SLIT2: variants seen among roughly 807,000 people sequenced by gnomAD.
The protein encoded by SLIT2 is slit guidance ligand 2, also known as slit homolog 2 protein.
SLIT2 carries 41 observed loss-of-function variants against 185.7 expected under a neutral mutation model. The observed-to-expected ratio is 0.22, with a 90% CI of 0.17 to 0.29. The LOEUF (loss-of-function observed/expected upper bound fraction) is 0.29, where lower values mean the gene tolerates loss of function less well. Among genes scored for constraint, SLIT2 ranks in the 10% least tolerant of loss-of-function variants. The pLI is 1.00. For synonymous variants in SLIT2, 693 were observed against 680.2 expected (o/e 1.02, Z -0.29); for missense variants, 1,571 against 1,909.0 (o/e 0.82, Z 3.30).
intron 4 of SLIT2, among the ~76,000 whole-genome samples, chr4:20,312,406 C>T (rs1280101337): frequency 1.3e-5 from 2 of 152,046 alleles, no homozygotes; most frequent in Non-Finnish European, 2.9e-5. Context: ...GTTCACAAAA[C>T]ATTTTAATGA....
At chr4:20,306,736 T>A (rs887116573) in intron 4 of SLIT2, among the ~76,000 whole-genome samples, 2 of 152,116 alleles carry the variant, frequency 1.3e-5, no homozygotes, top group Non-Finnish European at 2.9e-5. Flanking sequence ...TACTTAGGAT[T>A]TCCTTTCTTG....
intron 26 of SLIT2, among the ~76,000 whole-genome samples, chr4:20,562,218 A>G (rs1273171805): frequency 1.3e-5 from 2 of 151,826 alleles, no homozygotes; most frequent in East Asian, 3.9e-4. Context: ...CTTTTTACTT[A>G]TCTTTATTTG....
chr4:20,434,444 C>G (rs1729214987), intron 4 of SLIT2, among the ~76,000 whole-genome samples: 1 of 152,072 alleles, frequency 6.6e-6, no homozygotes, highest in Non-Finnish European at 1.5e-5. Context: ...CAAGATCGCA[C>G]CACTGCACCT....
intron 11 of SLIT2, among the ~76,000 whole-genome samples, chr4:20,518,123 A>G (rs1008045990): frequency 7.0e-6 from 1 of 143,136 alleles, no homozygotes; most frequent in African/African-American, 2.7e-5. Flanking sequence ...ATATACATAT[A>G]TATACATATA....
At chr4:20,255,394 C>T (rs1025487108) in intron 1 of SLIT2, among the ~76,000 whole-genome samples, 1 of 152,190 alleles carries the variant, frequency 6.6e-6, no homozygotes, top group Admixed American at 6.5e-5. Context: ...CTCACCTCTC[C>T]GAGCTGGCCA....
intron 33 of SLIT2, among the ~76,000 whole-genome samples, chr4:20,609,557 G>GT (rs773339578): frequency 6.6e-6 from 1 of 152,066 alleles, no homozygotes; most frequent in Admixed American, 6.6e-5. Context: ...CTAATCTACA[G>GT]TTTTTTTTAA....
chr4:20,270,719 T>C (rs1391905120), intron 4 of SLIT2, among the ~76,000 whole-genome samples: 2 of 152,016 alleles, frequency 1.3e-5, no homozygotes, highest in Non-Finnish European at 2.9e-5. Context: ...GTTTCAGGAG[T>C]TATATAACTT....
chr4:20,366,404 T>G (rs1723119538), intron 4 of SLIT2, among the ~76,000 whole-genome samples: 1 of 152,164 alleles, frequency 6.6e-6, no homozygotes, highest in Non-Finnish European at 1.5e-5. Flanking sequence ...TAGCCTTGGT[T>G]GGCCACATTT....
At position 20,549,708 on chromosome 4, in the gene SLIT2, T is replaced by C. The variant is rs555176958; in HGVS notation, c.2489+580T>C. Among the ~76,000 whole-genome samples the C allele has an allele frequency of 2.8e-4, 42 of 151,806 alleles. No individual in the cohort carries two copies. The South Asian group carries it at 8.3e-3, about 30-fold the overall frequency. ...CCATTGTCTATTTTTGTTTAACATA[T>C]GCTTTTGAATATTTCAAGTCTATCA... is the stretch of plus-strand genomic sequence containing the variant. On this transcript the variant is annotated intron_variant, in intron 24 of 36. Transcript: ENST00000504154.
At chr4:20,448,011 A>C (rs2148709869) in intron 4 of SLIT2, among the ~76,000 whole-genome samples, 1 of 152,292 alleles carries the variant, frequency 6.6e-6, no homozygotes, top group African/African-American at 2.4e-5. Flanking sequence ...AAAGAAATGG[A>C]TACTTCATAG....
chr4:20,458,173 A>C (rs1349621648), intron 4 of SLIT2, among the ~76,000 whole-genome samples: 1 of 152,038 alleles, frequency 6.6e-6, no homozygotes. Flanking sequence ...AACGTACTTA[A>C]CACCAGTGAA....
intron 4 of SLIT2, among the ~76,000 whole-genome samples, chr4:20,442,049 T>C (rs1232524122): frequency 2.0e-5 from 3 of 151,902 alleles, no homozygotes; most frequent in African/African-American, 7.3e-5. Context: ...AATATAAATG[T>C]TATAGTTGGG....
At chr4:20,615,611 A>G (rs914678901) in intron 34 of SLIT2, 5 of 152,406 alleles carry the variant, frequency 3.3e-5, no homozygotes, top group Middle Eastern at 6.8e-3. Flanking sequence ...AAGTGCACGC[A>G]GAACCAGAAA....
At chr4:20,348,109 T>G (rs930781897) in intron 4 of SLIT2, among the ~76,000 whole-genome samples, 1 of 152,222 alleles carries the variant, frequency 6.6e-6, no homozygotes, top group Non-Finnish European at 1.5e-5. Flanking sequence ...TATTTATTTA[T>G]TTTTGTATTT....
chr4:20,531,288 A>G (rs912211129), intron 16 of SLIT2, among the ~76,000 whole-genome samples: 1 of 152,228 alleles, frequency 6.6e-6, no homozygotes, highest in Non-Finnish European at 1.5e-5. Flanking sequence ...AATATCATTC[A>G]GTCTTAAAAA....
intron 4 of SLIT2, among the ~76,000 whole-genome samples, chr4:20,313,261 C>T (rs1185263885): frequency 1.3e-5 from 2 of 152,178 alleles, no homozygotes; most frequent in East Asian, 3.9e-4. Context: ...GGTGAGGCCT[C>T]AGGAAGCTTA....
rs776673733 is a variant in SLIT2, at chr4:20,253,987, G to A, written c.172G>A (p.Glu58Lys). 6.2e-6 allele frequency: 10 copies of A among 1,601,924 alleles called. No individual in the cohort carries two copies. The African/African-American group carries it at 1.1e-4, about 17-fold the overall frequency. The part of the protein sequence containing the change: ...SVPRNIPRNT[E>K]RLDLNGNNIT... ...GCCCAGGAATATCCCCCGCAACACCGAGAGACTGTGAGTATGCGCTCTTCG... is the reference window on the plus strand; with the variant it reads ...GCCCAGGAATATCCCCCGCAACACCAAGAGACTGTGAGTATGCGCTCTTCG... Residue 58 changes from glutamate (E) to lysine (K), a missense_variant, in exon 1 of 37, where the codon GAG becomes AAG. Transcript: ENST00000504154.
At chr4:20,404,622 C>G (rs533468727) in intron 4 of SLIT2, among the ~76,000 whole-genome samples, 1 of 151,916 alleles carries the variant, frequency 6.6e-6, no homozygotes, top group African/African-American at 2.4e-5. Flanking sequence ...AGTTCACCAA[C>G]GAATGAATGC....
chr4:20,411,511 C>G (rs978283880), intron 4 of SLIT2, among the ~76,000 whole-genome samples: 6 of 152,192 alleles, frequency 3.9e-5, no homozygotes, highest in Non-Finnish European at 8.8e-5. Context: ...TAAACTGACA[C>G]TCTAGAATCT....
Sources: allele counts gnomAD v4.1 joint callset (sites outside exome capture counted in the v4.1 genomes callset), GRCh38; gene constraint gnomAD v4.1.1; transcripts MANE v1.5; gene names NCBI Gene and HGNC (gene_info 2026-07-23, HGNC 2026-07-21).